Variants in PIWIL2 observed in about 807,000 individuals in gnomAD.
PIWIL2 encodes the protein piwi like RNA-mediated gene silencing 2.
Under a neutral mutation model 116.5 loss-of-function variants are expected in PIWIL2, and 81 were observed. The ratio of observed to expected loss-of-function variants is 0.70; its 90% CI spans 0.58 to 0.84. The LOEUF (loss-of-function observed/expected upper bound fraction) is 0.84. Among genes scored for constraint, PIWIL2 ranks in the 40% least tolerant of loss-of-function variants. The pLI is 0.00. For missense variants in PIWIL2, 1,272 were observed against 1,212.3 expected (o/e 1.05, Z -0.73); for synonymous variants, 489 against 429.5 (o/e 1.14, Z -1.71).
intron 20 of PIWIL2, among the ~76,000 whole-genome samples, chr8:22,330,926 G>A (rs1831847095): frequency 6.6e-6 from 1 of 152,036 alleles, no homozygotes; most frequent in Non-Finnish European, 1.5e-5. Context: ...TGTAATCCCA[G>A]CACTTTGGGA....
At chr8:22,337,815 C>G (rs889091152) in intron 20 of PIWIL2, among the ~76,000 whole-genome samples, 2 of 151,944 alleles carry the variant, frequency 1.3e-5, no homozygotes, top group African/African-American at 4.8e-5. Context: ...AAGATCTAGG[C>G]CAGGCGCAGT....
At position 22,330,687 on chromosome 8, in the gene PIWIL2, ACT is replaced by A. The variant is rs1261749869; in HGVS notation, c.2403+12415_2403+12416del. 4.0e-4 allele frequency among the ~76,000 whole-genome samples: 56 copies of A among 141,482 alleles called. No individual in the cohort carries two copies. The East Asian group carries it at 0.011, about 28-fold the overall frequency. The allele number at this position is 141,482 out of a possible 152,430, so 92.8% of individuals were successfully genotyped here. A position where few individuals can be genotyped will look rare whatever the true frequency, so the allele number is the denominator to read the frequency against. On this transcript the variant is annotated intron_variant, in intron 20 of 22. Transcript: ENST00000356766. ...ACTCCAGCCTGGGCAACAGAGTGAG[ACT>A]CTGTCTCAAAATAAATAAATAAATA...
intron 14 of PIWIL2, 123 bp downstream of exon 14, chr8:22,308,196 A>AG (rs1831236198): frequency 5.5e-6 from 4 of 725,700 alleles, no homozygotes; most frequent in South Asian, 3.7e-5. Flanking sequence ...TATTTTTCTA[A>AG]GTTTTTTTTT....
chr8:22,306,782 C>T (rs1388484888), intron 13 of PIWIL2, among the ~76,000 whole-genome samples: 1 of 152,212 alleles, frequency 6.6e-6, no homozygotes, highest in Admixed American at 6.5e-5. Flanking sequence ...CTTTCACCTA[C>T]CTTGTAGGTC....
chr8:22,289,222 G>T (rs749359565), intron 8 of PIWIL2, among the ~76,000 whole-genome samples: 6 of 148,484 alleles, frequency 4.0e-5, no homozygotes, highest in Non-Finnish European at 7.4e-5. Context: ...GCGCAATCCC[G>T]GCTCACTGCA....
At chr8:22,347,805 G>T (rs570340051) in intron 20 of PIWIL2, among the ~76,000 whole-genome samples, 1 of 151,968 alleles carries the variant, frequency 6.6e-6, no homozygotes, top group African/African-American at 2.4e-5. Context: ...GGGATTACAG[G>T]TGTGAGCCAC....
chr8:22,277,023 A>T (rs1205380483), intron 1 of PIWIL2, among the ~76,000 whole-genome samples: 1 of 134,998 alleles, frequency 7.4e-6, no homozygotes, highest in African/African-American at 3.1e-5. Flanking sequence ...AAAGTGATAT[A>T]TATATATATA....
At chr8:22,343,745 G>C (rs1253368872) in intron 20 of PIWIL2, among the ~76,000 whole-genome samples, 2 of 152,234 alleles carry the variant, frequency 1.3e-5, no homozygotes, top group African/African-American at 4.8e-5. Flanking sequence ...GCCAAATGCT[G>C]GTGAGGGTGT....
At chr8:22,317,356 C>G (rs1831484884) in intron 19 of PIWIL2, among the ~76,000 whole-genome samples, 1 of 152,072 alleles carries the variant, frequency 6.6e-6, no homozygotes, top group South Asian at 2.1e-4. Context: ...TCTTCTATGC[C>G]TATATTAACA....
intron 20 of PIWIL2, among the ~76,000 whole-genome samples, chr8:22,333,243 G>A (rs1239707637): frequency 4.6e-5 from 7 of 152,082 alleles, no homozygotes; most frequent in Admixed American, 3.3e-4. Flanking sequence ...AAATAAACAG[G>A]ATCAACAGCA....
At chr8:22,292,977 G>A (rs1830799128) in intron 10 of PIWIL2, among the ~76,000 whole-genome samples, 2 of 152,290 alleles carry the variant, frequency 1.3e-5, no homozygotes, top group South Asian at 4.1e-4. Flanking sequence ...CAAGCCAATA[G>A]CCTCCTGTAA....
intron 20 of PIWIL2, among the ~76,000 whole-genome samples, chr8:22,339,520 T>C (rs1263287690): frequency 6.6e-6 from 1 of 151,492 alleles, no homozygotes; most frequent in Non-Finnish European, 1.5e-5. Flanking sequence ...AAAAAAACTA[T>C]GCAACTGTAG....
intron 20 of PIWIL2, among the ~76,000 whole-genome samples, chr8:22,347,272 G>A (rs1404582010): frequency 6.6e-6 from 1 of 150,654 alleles, no homozygotes; most frequent in African/African-American, 2.4e-5. Flanking sequence ...GACTGCAGTG[G>A]TGTGCTCTCG....
chr8:22,310,394 A>G (rs759637529), intron 15 of PIWIL2, among the ~76,000 whole-genome samples: 5 of 152,064 alleles, frequency 3.3e-5, no homozygotes, highest in Non-Finnish European at 5.9e-5. Context: ...GGGTATTTGT[A>G]TCCGTGAAAG....
chr8:22,280,991 AT>A, intron 2 of PIWIL2, 128 bp from the exon 3 acceptor site: 1 of 584,244 alleles, frequency 1.7e-6, no homozygotes. Context: ...AGTTTATAAA[AT>A]GTTTCCCTTT....
Position 22,288,596 on chromosome 8 carries a change from A to G in PIWIL2, c.916A>G (p.Ile306Val). The G allele has an allele frequency of 6.2e-7, 1 of 1,612,978 alleles. No individual in the cohort carries two copies. The highest frequency in any genetic ancestry group is 8.5e-7 in the Non-Finnish European group (1 of 1,178,920). ...AGACAGTGCTGAAATCAGCATTAAGATTCAGATGACAAAGATCCTGGAGCC... is the reference window on the plus strand; with the variant it reads ...AGACAGTGCTGAAATCAGCATTAAGGTTCAGATGACAAAGATCCTGGAGCC... ...KTDSAEISIKIQMTKILEPCS... is the reference protein window; with the variant it reads ...KTDSAEISIKVQMTKILEPCS... The change falls in exon 8 of 23, where the codon ATT (isoleucine) becomes GTT (valine). Residue 306 changes from isoleucine (I) to valine (V), a missense_variant. By Grantham distance (29) the Ile-to-Val change is conservative. Transcript: ENST00000356766.
intron 15 of PIWIL2, 97 bp from the exon 16 acceptor site, chr8:22,311,015 A>G (rs928708868): frequency 5.4e-5 from 55 of 1,020,122 alleles, no homozygotes; most frequent in South Asian, 2.5e-4. Flanking sequence ...TCAAGCAATG[A>G]GAGTGAAAAG....
chr8:22,342,758 T>G (rs1043741573), intron 20 of PIWIL2, among the ~76,000 whole-genome samples: 1 of 152,146 alleles, frequency 6.6e-6, no homozygotes, highest in South Asian at 2.1e-4. Flanking sequence ...ATTGATAAAT[T>G]TTTCATCGAA....
chr8:22,296,020 C>CTTTTTTTTTTTTTTTTTTTT (rs67357452), intron 10 of PIWIL2, among the ~76,000 whole-genome samples: 5 of 102,840 alleles, frequency 4.9e-5, no homozygotes, highest in Admixed American at 2.0e-4. Context: ...CTCTTCCCTT[C>CTTTTTTTTTTTTTTTTTTTT]TTTTTTTTTT....
Sources: gnomAD v4.1 joint callset for allele counts (sites outside exome capture counted in the v4.1 genomes callset) on GRCh38, gnomAD v4.1.1 for gene constraint, MANE v1.5 for transcripts, NCBI Gene and HGNC (gene_info 2026-07-23, HGNC 2026-07-21) for gene names.